Variants in DENND2B observed in about 807,000 individuals in gnomAD.
DENND2B encodes the protein DENN domain-containing protein 2B.
DENND2B carries 32 observed loss-of-function variants against 116.0 expected under a neutral mutation model. The ratio of observed to expected loss-of-function variants is 0.28; its 90% CI spans 0.21 to 0.37. The LOEUF (loss-of-function observed/expected upper bound fraction) is 0.37. DENND2B is among the 10% of genes least tolerant of loss of function. The pLI is 1.00. For synonymous variants in DENND2B, 588 were observed against 583.9 expected, an observed-to-expected ratio of 1.01 and a Z score of -0.10; for missense variants, 1,276 against 1,477.7, an observed-to-expected ratio of 0.86 and a Z score of 2.24.
chr11:8,818,049 G>A (rs1057390495), intron 4 of DENND2B, among the ~76,000 whole-genome samples: 3 of 81,608 alleles, frequency 3.7e-5, no homozygotes, highest in Non-Finnish European at 9.3e-5. Context: ...ATCACTTGAG[G>A]TCAGGAGTTT....
At chr11:8,868,678 G>C (rs2063668200) in intron 2 of DENND2B, among the ~76,000 whole-genome samples, 1 of 152,236 alleles carries the variant, frequency 6.6e-6, no homozygotes, top group Non-Finnish European at 1.5e-5. Context: ...ATGAAAGAGA[G>C]AGCTGGCAGG....
intron 9 of DENND2B, among the ~76,000 whole-genome samples, chr11:8,711,594 C>T (rs1180939285): frequency 2.0e-5 from 3 of 151,986 alleles, no homozygotes; most frequent in Non-Finnish European, 2.9e-5. Flanking sequence ...TGGCCGGGCG[C>T]GGTGGTTCAT....
At chr11:8,744,692 C>G (rs1249630348) in intron 2 of DENND2B, among the ~76,000 whole-genome samples, 1 of 152,172 alleles carries the variant, frequency 6.6e-6, no homozygotes, top group African/African-American at 2.4e-5. Flanking sequence ...AGCTGTCCCA[C>G]TGAATATAAG....
chr11:8,865,592 A>G (rs2063547273), intron 2 of DENND2B, among the ~76,000 whole-genome samples: 1 of 151,900 alleles, frequency 6.6e-6, no homozygotes, highest in Non-Finnish European at 1.5e-5. Flanking sequence ...CAGGAAAGAC[A>G]ATTTGTTCAC....
At chr11:8,771,656 C>A (rs915985346) in intron 1 of DENND2B, 2 of 150,184 alleles carry the variant, frequency 1.3e-5, no homozygotes, top group African/African-American at 4.9e-5. Flanking sequence ...TGATTCATAA[C>A]AAGTCCCTCT....
At chr11:8,755,580 C>A (rs1240084917) in intron 1 of DENND2B, among the ~76,000 whole-genome samples, 4 of 152,110 alleles carry the variant, frequency 2.6e-5, no homozygotes, top group Non-Finnish European at 4.4e-5. Context: ...GTGAATACGG[C>A]AGATGCTTCT....
chr11:8,800,841 G>C (rs1286718849), intron 1 of DENND2B, among the ~76,000 whole-genome samples: 1 of 152,054 alleles, frequency 6.6e-6, no homozygotes, highest in African/African-American at 2.4e-5. Flanking sequence ...TGTAGATAAG[G>C]AGCTATTCAT....
chr11:8,808,306 C>A (rs1230143022), intron 1 of DENND2B: 2 of 152,276 alleles, frequency 1.3e-5, no homozygotes, highest in African/African-American at 2.4e-5. Context: ...GCCTCTTTTC[C>A]AGCTGCTAAA....
At chr11:8,725,324 C>G (rs1165963648) in intron 4 of DENND2B, among the ~76,000 whole-genome samples, 4 of 152,028 alleles carry the variant, frequency 2.6e-5, no homozygotes, top group African/African-American at 9.7e-5. Flanking sequence ...AGCAGGCCTG[C>G]ACCAGACACT....
chr11:8,764,097 G>A (rs567401338), intron 1 of DENND2B, among the ~76,000 whole-genome samples: 3 of 152,288 alleles, frequency 2.0e-5, no homozygotes, highest in African/African-American at 7.2e-5. Context: ...GAAGGCAGGT[G>A]CCTGTAATCC....
chr11:8,807,143 C>T (rs539665019), intron 1 of DENND2B, among the ~76,000 whole-genome samples: 1 of 152,336 alleles, frequency 6.6e-6, no homozygotes, highest in South Asian at 2.1e-4. Flanking sequence ...ACTATGTGTT[C>T]CCCGGGCTTG....
chr11:8,849,587 G>A (rs557563661), intron 3 of DENND2B, among the ~76,000 whole-genome samples: 11 of 151,702 alleles, frequency 7.3e-5, no homozygotes, highest in Non-Finnish European at 1.5e-4. Flanking sequence ...ACTTTGGGAG[G>A]CCAAGGTGGG....
chr11:8,866,416 T>C (rs1286276175), intron 2 of DENND2B, among the ~76,000 whole-genome samples: 2 of 152,222 alleles, frequency 1.3e-5, no homozygotes, highest in Non-Finnish European at 2.9e-5. Flanking sequence ...AATAAGGGCA[T>C]TGCCAAAGTC....
chr11:8,891,746 C>G (rs1006252110), intron 1 of DENND2B, among the ~76,000 whole-genome samples: 2 of 152,114 alleles, frequency 1.3e-5, no homozygotes, highest in African/African-American at 4.8e-5. Context: ...TAAAACAAGT[C>G]CTTAGAGACC....
intron 4 of DENND2B, among the ~76,000 whole-genome samples, chr11:8,821,168 A>C (rs2061748901): frequency 6.6e-6 from 1 of 151,640 alleles, no homozygotes; most frequent in Admixed American, 6.6e-5. Context: ...TTAAATTTAA[A>C]AAATTTAAAA....
At chr11:8,824,469 G>C (rs898374691) in intron 4 of DENND2B, among the ~76,000 whole-genome samples, 1 of 152,118 alleles carries the variant, frequency 6.6e-6, no homozygotes, top group African/African-American at 2.4e-5. Context: ...TTCTGCTCCT[G>C]CATTAGTTTG....
intron 1 of DENND2B, among the ~76,000 whole-genome samples, chr11:8,800,990 T>C (rs1437977782): frequency 2.6e-5 from 4 of 151,238 alleles, no homozygotes; most frequent in Non-Finnish European, 5.9e-5. Context: ...GAACTTACCT[T>C]GATGCCTCTT....
intron 11 of DENND2B, among the ~76,000 whole-genome samples, chr11:8,709,973 C>G (rs935619244): frequency 6.6e-6 from 1 of 152,044 alleles, no homozygotes; most frequent in African/African-American, 2.4e-5. Flanking sequence ...GTGCCTGACT[C>G]TCAATAGCAC....
chr11:8,697,482 G>C, intron 17 of DENND2B, 43 bp downstream of exon 17: 1 of 1,507,152 alleles, frequency 6.6e-7, no homozygotes, highest in Non-Finnish European at 9.2e-7. Context: ...CAGAGCAGAG[G>C]GAGCCTGGAG....
Sources: allele counts gnomAD v4.1 joint callset (sites outside exome capture counted in the v4.1 genomes callset), GRCh38; gene constraint gnomAD v4.1.1; transcripts MANE v1.5; gene names NCBI Gene and HGNC (gene_info 2026-07-23, HGNC 2026-07-21).